The following TMEM132C variants were observed in gnomAD, a reference collection of about 807,000 sequenced individuals.
TMEM132C encodes protein phosphatase 1, regulatory subunit 152.
Under a neutral mutation model 61.4 loss-of-function variants are expected in TMEM132C, and 29 were observed. The ratio of observed to expected loss-of-function variants is 0.47; its 90% CI spans 0.35 to 0.64. The LOEUF (loss-of-function observed/expected upper bound fraction) is 0.64. TMEM132C is among the 30% of genes least tolerant of loss of function. TMEM132C has a pLI of 0.00. For synonymous variants in TMEM132C, 656 were observed against 633.1 expected (o/e 1.04, Z -0.54); for missense variants, 1,408 against 1,476.9 (o/e 0.95, Z 0.76).
At chr12:128,378,381 G>A (rs1015111629) in intron 1 of TMEM132C, among the ~76,000 whole-genome samples, 4 of 152,088 alleles carry the variant, frequency 2.6e-5, no homozygotes, top group African/African-American at 4.8e-5. Flanking sequence ...CTCCCAAAGT[G>A]CTGGGATTAC....
chr12:128,514,388 T>A (rs1872657710), intron 2 of TMEM132C, among the ~76,000 whole-genome samples: 2 of 152,170 alleles, frequency 1.3e-5, no homozygotes, highest in African/African-American at 4.8e-5. Context: ...CTCTCCACTT[T>A]AAAATAAAGA....
At chr12:128,622,214 C>G (rs113990256) in intron 4 of TMEM132C, among the ~76,000 whole-genome samples, 1 of 150,586 alleles carries the variant, frequency 6.6e-6, no homozygotes, top group African/African-American at 2.4e-5. Flanking sequence ...CATGGCAGCA[C>G]GTGCCTGTAT....
At chr12:128,695,734 G>A (rs1399872640) in intron 6 of TMEM132C, 96 bp from the exon 7 acceptor site, 2 of 1,363,794 alleles carry the variant, frequency 1.5e-6, no homozygotes, top group South Asian at 1.5e-5. Context: ...TGTCTTCAAT[G>A]TGGTCTCCTT....
chr12:128,563,356 G>T (rs1327636267), intron 3 of TMEM132C, among the ~76,000 whole-genome samples: 2 of 152,190 alleles, frequency 1.3e-5, no homozygotes, highest in Non-Finnish European at 2.9e-5. Context: ...AGGTCATCTG[G>T]ACAGCAAGGT....
chr12:128,504,580 C>G (rs1593077328), intron 2 of TMEM132C, among the ~76,000 whole-genome samples: 3 of 152,250 alleles, frequency 2.0e-5, no homozygotes, highest in Admixed American at 2.0e-4. Context: ...TGAGGCCTCT[C>G]TCCTTGACTT....
At chr12:128,664,651 C>T (rs1593140208) in intron 4 of TMEM132C, among the ~76,000 whole-genome samples, 1 of 152,290 alleles carries the variant, frequency 6.6e-6, no homozygotes, top group Non-Finnish European at 1.5e-5. Flanking sequence ...AGGCTGCCTT[C>T]TGTGATGCTA....
intron 3 of TMEM132C, among the ~76,000 whole-genome samples, chr12:128,564,045 A>AG (rs1374251019): frequency 1.3e-5 from 2 of 152,208 alleles, no homozygotes; most frequent in Non-Finnish European, 2.9e-5. Context: ...AAAGGCATAA[A>AG]GGCACCGCAG....
intron 2 of TMEM132C, among the ~76,000 whole-genome samples, chr12:128,428,796 C>T (rs764569708): frequency 7.9e-5 from 12 of 152,274 alleles, no homozygotes; most frequent in East Asian, 1.9e-4. Flanking sequence ...GCCACCAGGA[C>T]GGGTTCCCCA....
chr12:128,506,854 G>A (rs1232104158), intron 2 of TMEM132C, among the ~76,000 whole-genome samples: 1 of 152,120 alleles, frequency 6.6e-6, no homozygotes, highest in Admixed American at 6.5e-5. Context: ...GAACAGACAG[G>A]GTCACAGTGA....
At chr12:128,346,700 T>G (rs1273127912) in intron 1 of TMEM132C, among the ~76,000 whole-genome samples, 1 of 152,220 alleles carries the variant, frequency 6.6e-6, no homozygotes, top group Non-Finnish European at 1.5e-5. Context: ...GCTCTTGTCT[T>G]GACTGTCGAT....
At chr12:128,285,078 G>A (rs1421689237) in intron 1 of TMEM132C, among the ~76,000 whole-genome samples, 2 of 152,156 alleles carry the variant, frequency 1.3e-5, no homozygotes, top group Non-Finnish European at 2.9e-5. Context: ...CAGAGGTGGA[G>A]GTTGAAGTGA....
intron 4 of TMEM132C, among the ~76,000 whole-genome samples, chr12:128,632,790 C>T (rs1032470125): frequency 1.3e-5 from 2 of 152,176 alleles, no homozygotes; most frequent in African/African-American, 4.8e-5. Flanking sequence ...CTTCTCCTGA[C>T]CTCAAATCTT....
At chr12:128,704,415 G>A (rs981940170) in intron 8 of TMEM132C, among the ~76,000 whole-genome samples, 10 of 152,184 alleles carry the variant, frequency 6.6e-5, no homozygotes, top group African/African-American at 1.9e-4. Context: ...CAATTGAACC[G>A]GGCCCACCAG....
At chr12:128,524,314 A>G (rs1873012609) in intron 2 of TMEM132C, among the ~76,000 whole-genome samples, 1 of 152,182 alleles carries the variant, frequency 6.6e-6, no homozygotes, top group East Asian at 1.9e-4. Flanking sequence ...TCAAAACACT[A>G]ACGGTGGCAT....
At chr12:128,305,807 G>A (rs528950508) in intron 1 of TMEM132C, among the ~76,000 whole-genome samples, 4 of 152,130 alleles carry the variant, frequency 2.6e-5, no homozygotes, top group Non-Finnish European at 5.9e-5. Context: ...TTTGAAGATG[G>A]TGCTGATTGC....
intron 2 of TMEM132C, among the ~76,000 whole-genome samples, chr12:128,539,543 G>A (rs954471723): frequency 5.9e-5 from 9 of 152,284 alleles, no homozygotes; most frequent in East Asian, 5.8e-4. Flanking sequence ...ACTTAAACCC[G>A]AGAGGCAGAG....
At chr12:128,561,669 A>G (rs1269746445) in intron 3 of TMEM132C, among the ~76,000 whole-genome samples, 3 of 152,260 alleles carry the variant, frequency 2.0e-5, no homozygotes, top group Non-Finnish European at 4.4e-5. Context: ...GGCAAATGCT[A>G]TAAAGAAGAG....
chr12:128,391,679 A>G (rs1358572919), intron 1 of TMEM132C, among the ~76,000 whole-genome samples: 1 of 152,202 alleles, frequency 6.6e-6, no homozygotes, highest in Non-Finnish European at 1.5e-5. Flanking sequence ...CATTGTCCCC[A>G]TTCCACAGAT....
chr12:128,590,935 C>G lies in TMEM132C; in HGVS notation c.1122-25217C>G, dbSNP rs117043358. Among the ~76,000 whole-genome samples the G allele has an allele frequency of 0.013, 1,905 of 152,166 alleles. 87 individuals carry two copies. In the East Asian group the frequency reaches 0.14, roughly 11 times the overall value. ...GGGACCACAGGTATGCACTGCCACA[C>G]CCAGCTAGTTTTTATAATTTTATGA... On this transcript the variant is annotated intron_variant, in intron 3 of 8. Coordinates refer to ENST00000435159, the MANE Select transcript of TMEM132C (RefSeq NM_001136103.3).
Sources: allele counts gnomAD v4.1 joint callset (sites outside exome capture counted in the v4.1 genomes callset), GRCh38; gene constraint gnomAD v4.1.1; transcripts MANE v1.5; gene names NCBI Gene and HGNC (gene_info 2026-07-23, HGNC 2026-07-21).